PCDHGB2: variants seen among roughly 807,000 people sequenced by gnomAD.
The protein encoded by PCDHGB2 is protocadherin gamma subfamily B, 2, also known as protocadherin gamma-B2.
A neutral mutation model predicts 59.3 loss-of-function variants in PCDHGB2; 55 were observed. The observed-to-expected ratio is 0.93, with a 90% CI of 0.75 to 1.16. The LOEUF (loss-of-function observed/expected upper bound fraction) is 1.16. Ranked by LOEUF, PCDHGB2 falls within the 50% of genes most tolerant of loss-of-function variation. The pLI is 0.00. For synonymous variants in PCDHGB2, 516 were observed against 512.0 expected, an observed-to-expected ratio of 1.01 and a Z score of -0.11; for missense variants, 1,228 against 1,198.5, an observed-to-expected ratio of 1.02 and a Z score of -0.36.
intron 1 of PCDHGB2, chr5:141,415,641 TA>T (rs113784532): frequency 0.022 from 22,367 of 1,034,442 alleles, 38 homozygotes; most frequent in Admixed American, 0.045. Context: ...TTACTTTTGT[TA>T]AAAAAAAAAA....
At position 141,398,898 on chromosome 5, in the gene PCDHGB2, A is replaced by G. The variant is rs565517655; in HGVS notation, c.2421+36342A>G. 11 of 1,613,922 alleles carry G rather than the reference A, an allele frequency of 6.8e-6. No homozygotes were observed. The African/African-American group carries it at 1.1e-4, about 16-fold the overall frequency. ...TCAGCCTTCGGGAAAACGTGCCACCAGGCACCACTGTGTTGCAAGTGTCAG... is the reference window on the plus strand; with the variant it reads ...TCAGCCTTCGGGAAAACGTGCCACCGGGCACCACTGTGTTGCAAGTGTCAG... On this transcript the variant is annotated intron_variant, in intron 1 of 3. Coordinates refer to ENST00000522605, the MANE Select transcript of PCDHGB2 (RefSeq NM_018923.3).
chr5:141,428,609 A>G, intron 1 of PCDHGB2: 1 of 215,052 alleles, frequency 4.7e-6, no homozygotes, highest in South Asian at 7.9e-5. Context: ...ACTGAAGAGA[A>G]TAACAAGATA....
Position 141,431,352 on chromosome 5 carries a change from G to C in PCDHGB2, c.2422-63455G>C. Reference sequence around the variant, plus strand: ...AAGTACCCCGAATTGGTGCTGAAACGCGCCCTGGACCGCGAAGAAAAGGCT... The same window carrying C: ...AAGTACCCCGAATTGGTGCTGAAACCCGCCCTGGACCGCGAAGAAAAGGCT... On this transcript the variant is annotated intron_variant, in intron 1 of 3. Coordinates refer to ENST00000522605, the MANE Select transcript of PCDHGB2 (RefSeq NM_018923.3). This position sits in a 1 kb window ranked among gnomAD's most constrained non-coding sequence, Gnocchi z 4.8. The C allele has an allele frequency of 6.2e-7, 1 of 1,614,044 alleles. No individual in the cohort carries two copies. The highest frequency in any genetic ancestry group is 8.5e-7 in the Non-Finnish European group (1 of 1,180,032).
chr5:141,503,130 C>A (rs1406819266), intron 2 of PCDHGB2, among the ~76,000 whole-genome samples: 1 of 151,980 alleles, frequency 6.6e-6, no homozygotes, highest in Non-Finnish European at 1.5e-5. Context: ...CCTCTGGTAG[C>A]CCCTGACACA....
chr5:141,447,064 C>T (rs1453083716), intron 1 of PCDHGB2, among the ~76,000 whole-genome samples: 1 of 152,064 alleles, frequency 6.6e-6, no homozygotes, highest in Non-Finnish European at 1.5e-5. Context: ...ATGTGTCAGG[C>T]TGTTTTAATT....
At chr5:141,409,531 T>C (rs2095279232) in intron 1 of PCDHGB2, 1 of 1,613,870 alleles carries the variant, frequency 6.2e-7, no homozygotes, top group Non-Finnish European at 8.5e-7. Context: ...TGTATGTCGC[T>C]GACATCAACG....
intron 1 of PCDHGB2, among the ~76,000 whole-genome samples, chr5:141,448,573 AT>A (rs976781630): frequency 1.3e-5 from 2 of 151,652 alleles, no homozygotes; most frequent in East Asian, 1.9e-4. Flanking sequence ...TTATTTCCCC[AT>A]TTTTTTTACA....
At chr5:141,501,883 G>A (rs1204174131) in intron 2 of PCDHGB2, among the ~76,000 whole-genome samples, 1 of 152,022 alleles carries the variant, frequency 6.6e-6, no homozygotes, top group African/African-American at 2.4e-5. Flanking sequence ...TTACACTCCT[G>A]ATCATCATGG....
intron 1 of PCDHGB2, chr5:141,427,831 G>T: frequency 7.1e-6 from 11 of 1,539,366 alleles, no homozygotes; most frequent in Non-Finnish European, 9.8e-6. Context: ...GTCGCGCAGC[G>T]TGCCTTCGAC....
At chr5:141,365,782 C>G in intron 1 of PCDHGB2, 1 of 1,613,910 alleles carries the variant, frequency 6.2e-7, no homozygotes, top group Non-Finnish European at 8.5e-7. Flanking sequence ...GCGGCGACAA[C>G]GCTCGAGTCA....
chr5:141,418,822 A>C (rs780172404), intron 1 of PCDHGB2: 9 of 1,613,988 alleles, frequency 5.6e-6, no homozygotes, highest in Non-Finnish European at 7.6e-6. Flanking sequence ...ACATAGAAGC[A>C]AAAGACCGAG....
intron 1 of PCDHGB2, among the ~76,000 whole-genome samples, chr5:141,420,762 T>A (rs1221355822): frequency 6.6e-6 from 1 of 152,222 alleles, no homozygotes; most frequent in Non-Finnish European, 1.5e-5. Context: ...AACCTACAAG[T>A]TTTCAGCTCC....
At chr5:141,394,690 T>A (rs745602076) in intron 1 of PCDHGB2, 1 of 1,610,768 alleles carries the variant, frequency 6.2e-7, no homozygotes, top group East Asian at 2.2e-5. Flanking sequence ...ACGGGCGAGG[T>A]GCGCACGGCG....
rs1177814811 is a variant in PCDHGB2 at position 141,511,841 on chromosome 5, CTGTTT to C, written c.*675_*679del. The C allele has an allele frequency of 3.2e-5, 5 of 156,826 alleles. No homozygotes were observed. Among genetic ancestry groups the C allele is most frequent in the African/African-American group, 4.8e-5 (2 of 41,458 alleles). The allele number at this position is 156,826 out of a possible 1,614,324, so 9.7% of individuals were successfully genotyped here. ...TCCCAACGCCCTGGGGACCAGTCTT[CTGTTT>C]TGTTTTTCATTGTTTGACGTTTCCA... On this transcript the variant is annotated 3_prime_UTR_variant, in exon 4 of 4. Coordinates refer to ENST00000522605, the MANE Select transcript of PCDHGB2 (RefSeq NM_018923.3).
chr5:141,499,565 C>CTTATCTTGT (rs2099792732), intron 2 of PCDHGB2, among the ~76,000 whole-genome samples: 2 of 152,168 alleles, frequency 1.3e-5, no homozygotes, highest in Non-Finnish European at 2.9e-5. Flanking sequence ...CACTATCCAG[C>CTTATCTTGT]TTCAACTAAT....
intron 1 of PCDHGB2, among the ~76,000 whole-genome samples, chr5:141,397,293 A>T (rs1449132000): frequency 6.6e-6 from 1 of 152,220 alleles, no homozygotes; most frequent in African/African-American, 2.4e-5. Flanking sequence ...ACTTGAATGA[A>T]TATTTCCTGA....
intron 1 of PCDHGB2, chr5:141,427,957 C>T: frequency 2.5e-6 from 4 of 1,588,402 alleles, no homozygotes; most frequent in South Asian, 1.1e-5. Context: ...GACAATGTGC[C>T]GCGGGTGCTG....
chr5:141,421,515 CTG>C, intron 1 of PCDHGB2: 1 of 1,614,080 alleles, frequency 6.2e-7, no homozygotes, highest in Non-Finnish European at 8.5e-7. Context: ...GGGAGGAGCT[CTG>C]TGAGACGGTG....
intron 1 of PCDHGB2, among the ~76,000 whole-genome samples, chr5:141,444,106 G>A (rs2098417269): frequency 7.6e-6 from 1 of 131,112 alleles, no homozygotes; most frequent in South Asian, 2.6e-4. Flanking sequence ...TGGAAACCAA[G>A]AAAAGTGAAG....
Sources: gnomAD v4.1 joint callset for allele counts (sites outside exome capture counted in the v4.1 genomes callset) on GRCh38, gnomAD v4.1.1 for gene constraint, Gnocchi (gnomAD v3.1) non-coding constraint, MANE v1.5 for transcripts, NCBI Gene and HGNC (gene_info 2026-07-23, HGNC 2026-07-21) for gene names.